CTNNA2: variants seen among roughly 807,000 people sequenced by gnomAD.
CTNNA2 encodes the protein catenin alpha-2.
Under a neutral mutation model 101.0 loss-of-function variants are expected in CTNNA2, and 42 were observed. That is an observed-to-expected ratio of 0.42 (90% confidence interval 0.32 to 0.54). The LOEUF (loss-of-function observed/expected upper bound fraction) is 0.54, where lower values mean the gene tolerates loss of function less well. CTNNA2 is among the 20% of genes least tolerant of loss of function. The probability of loss-of-function intolerance (pLI) is 0.14; values close to 1 mark genes in which losing one functional copy is unlikely to be tolerated. For missense variants in CTNNA2, 871 were observed against 1,223.1 expected, an observed-to-expected ratio of 0.71 and a Z score of 4.29; for synonymous variants, 450 against 456.4, an observed-to-expected ratio of 0.99 and a Z score of 0.18.
At chr2:79,563,362 A>T (rs896719364) in intron 1 of CTNNA2, among the ~76,000 whole-genome samples, 1 of 152,024 alleles carries the variant, frequency 6.6e-6, no homozygotes, top group Non-Finnish European at 1.5e-5. Flanking sequence ...TCTCCTTAGG[A>T]CAAAAAGTGA....
intron 8 of CTNNA2, among the ~76,000 whole-genome samples, chr2:80,418,756 T>G (rs2149405296): frequency 6.6e-6 from 1 of 152,342 alleles, no homozygotes; most frequent in South Asian, 2.1e-4. Context: ...AGGTAATTTT[T>G]CAGGGACAGT....
chr2:80,604,686 T>G (rs1487114334), intron 16 of CTNNA2, among the ~76,000 whole-genome samples: 1 of 152,026 alleles, frequency 6.6e-6, no homozygotes, highest in African/African-American at 2.4e-5. Flanking sequence ...GGTTGCACAT[T>G]TTAACTGCCT....
At chr2:80,128,021 C>T (rs1702229400) in intron 7 of CTNNA2, among the ~76,000 whole-genome samples, 1 of 151,592 alleles carries the variant, frequency 6.6e-6, no homozygotes, top group African/African-American at 2.4e-5. Context: ...TCACTCTGCT[C>T]AGTGGTTTTG....
intron 3 of CTNNA2, among the ~76,000 whole-genome samples, chr2:79,782,773 A>T (rs1674549767): frequency 6.6e-6 from 1 of 152,172 alleles, no homozygotes; most frequent in South Asian, 2.1e-4. Context: ...GAGCAGCACA[A>T]GCCCTACTAC....
chr2:79,752,736 A>G (rs1672125150), intron 3 of CTNNA2, among the ~76,000 whole-genome samples: 1 of 152,184 alleles, frequency 6.6e-6, no homozygotes, highest in Non-Finnish European at 1.5e-5. Context: ...CACAGAATGG[A>G]AGGAGAGAAA....
At chr2:79,660,238 T>TACATAC in intron 2 of CTNNA2, among the ~76,000 whole-genome samples, 1 of 133,260 alleles carries the variant, frequency 7.5e-6, no homozygotes, top group South Asian at 2.2e-4. Flanking sequence ...GTATGTATAC[T>TACATAC]ATATATGTGT....
At chr2:80,042,589 G>A (rs545160998) in intron 7 of CTNNA2, among the ~76,000 whole-genome samples, 3 of 152,114 alleles carry the variant, frequency 2.0e-5, no homozygotes, top group South Asian at 4.2e-4. Context: ...ACAATGTGTC[G>A]AGAAGGATCT....
chr2:80,602,984 T>C (rs1241287628), intron 15 of CTNNA2, among the ~76,000 whole-genome samples: 1 of 152,078 alleles, frequency 6.6e-6, no homozygotes, highest in Non-Finnish European at 1.5e-5. Context: ...TTGTCTTCTA[T>C]TTTATAAAAT....
intron 3 of CTNNA2, among the ~76,000 whole-genome samples, chr2:79,798,560 CTTTTTTTT>C (rs34542700): frequency 3.2e-4 from 39 of 123,800 alleles, no homozygotes; most frequent in East Asian, 1.7e-3. Flanking sequence ...TATAATAAGA[CTTTTTTTT>C]TTTTTTTTTT....
chr2:80,257,720 C>T (rs1159544781), intron 7 of CTNNA2, among the ~76,000 whole-genome samples: 5 of 152,174 alleles, frequency 3.3e-5, no homozygotes, highest in Middle Eastern at 3.2e-3. Context: ...CAAGCACTCG[C>T]GCTCTGGTAT....
chr2:80,108,233 C>T (rs1432417241), intron 7 of CTNNA2, among the ~76,000 whole-genome samples: 4 of 152,140 alleles, frequency 2.6e-5, no homozygotes, highest in Admixed American at 1.3e-4. Flanking sequence ...CTTTGGGGCC[C>T]TGAGGAAGGT....
intron 11 of CTNNA2, among the ~76,000 whole-genome samples, chr2:80,548,539 A>G (rs1050295045): frequency 6.6e-6 from 1 of 152,046 alleles, no homozygotes; most frequent in Non-Finnish European, 1.5e-5. Context: ...ATTACCAGCA[A>G]CAAGAAAAGG....
intron 9 of CTNNA2, among the ~76,000 whole-genome samples, chr2:80,459,257 G>A (rs779619357): frequency 6.6e-6 from 1 of 152,036 alleles, no homozygotes; most frequent in Non-Finnish European, 1.5e-5. Context: ...TGGTCTGGGA[G>A]GAGTTTGGCA....
At chr2:79,841,078 T>A (rs1396497955) in intron 3 of CTNNA2, among the ~76,000 whole-genome samples, 4 of 152,126 alleles carry the variant, frequency 2.6e-5, no homozygotes, top group Non-Finnish European at 5.9e-5. Flanking sequence ...CGAGACTCCC[T>A]CTCTTATGTA....
At chr2:80,055,840 A>G (rs897078249) in intron 7 of CTNNA2, among the ~76,000 whole-genome samples, 2 of 152,192 alleles carry the variant, frequency 1.3e-5, no homozygotes, top group African/African-American at 4.8e-5. Context: ...TAAGCTCAAG[A>G]GAGCTAAGTG....
intron 2 of CTNNA2, among the ~76,000 whole-genome samples, chr2:79,671,648 G>A (rs768641348): frequency 6.6e-6 from 1 of 152,212 alleles, no homozygotes; most frequent in Non-Finnish European, 1.5e-5. Flanking sequence ...TAATGCCTGG[G>A]AACCTCTTAC....
At chr2:80,170,235 G>C (rs532454597) in intron 7 of CTNNA2, among the ~76,000 whole-genome samples, 128 of 148,668 alleles carry the variant, frequency 8.6e-4, no homozygotes, top group African/African-American at 2.3e-3. Flanking sequence ...CTCTCTCTGT[G>C]TGTGTGTGTG....
chr2:79,463,395 CAAAAAAAAA>C (rs10546803), intron 4 of CTNNA2, among the ~76,000 whole-genome samples: 1 of 117,812 alleles, frequency 8.5e-6, no homozygotes, highest in Non-Finnish European at 1.8e-5. Context: ...GAGACTGTCT[CAAAAAAAAA>C]AAAAAAAAAA....
chr2:80,317,653 A>C (rs1407575849), intron 7 of CTNNA2, among the ~76,000 whole-genome samples: 1 of 152,150 alleles, frequency 6.6e-6, no homozygotes, highest in Non-Finnish European at 1.5e-5. Flanking sequence ...GCCCCCTTCT[A>C]CCATCTGTTG....
Sources: allele counts gnomAD v4.1 joint callset (sites outside exome capture counted in the v4.1 genomes callset), GRCh38; gene constraint gnomAD v4.1.1; transcripts MANE v1.5; gene names NCBI Gene and HGNC (gene_info 2026-07-23, HGNC 2026-07-21).